The following FAM227B variants were observed in gnomAD, a reference collection of about 807,000 sequenced individuals.
The protein encoded by FAM227B is family with sequence similarity 227 member B, also known as protein FAM227B.
Under a neutral mutation model 73.8 loss-of-function variants are expected in FAM227B, and 88 were observed. The ratio of observed to expected loss-of-function variants is 1.19; its 90% CI spans 1.00 to 1.42. FAM227B has a LOEUF of 1.42. Among genes scored for constraint, FAM227B ranks in the 40% most tolerant of loss-of-function variants. The pLI is 0.00. For synonymous variants in FAM227B, 210 were observed against 190.5 expected (o/e 1.10, Z -0.84); for missense variants, 632 against 590.9 (o/e 1.07, Z -0.72).
Position 49,576,848 on chromosome 15 carries a change from A to T in FAM227B, c.442-3T>A. On this transcript the variant is annotated splice_region_variant and splice_polypyrimidine_tract_variant and intron_variant, in intron 6 of 15. Coordinates refer to ENST00000299338, the MANE Select transcript of FAM227B (RefSeq NM_152647.3). ...TTGAATCCTGTGAAGCTGCAACCCT[A>T]GAAAGAGGAAAATATAACAGGAGAG... is the stretch of plus-strand genomic sequence containing the variant. 2.5e-6 allele frequency: 4 copies of T among 1,583,238 alleles called. No individual in the cohort carries two copies. The highest frequency in any genetic ancestry group is 3.5e-6 in the Non-Finnish European group (4 of 1,154,634).
chr15:49,419,457 C>CTT (rs376193888), intron 11 of FAM227B, among the ~76,000 whole-genome samples: 107 of 152,208 alleles, frequency 7.0e-4, no homozygotes, highest in African/African-American at 2.6e-3. Flanking sequence ...TTTCCAATAT[C>CTT]TTTTTGAAAA....
Position 49,371,080 on chromosome 15 carries a change from TATG to T in FAM227B, c.1110+219_1110+221del, listed in dbSNP as rs569813053. ...TGTTGTGAGGAAAAAAGATAAATAT[TATG>T]ATATTTTTCATTAGAAATGGGGATA... On this transcript the variant is annotated intron_variant, in intron 12 of 15. Transcript: ENST00000299338. 5.9e-5 allele frequency among the ~76,000 whole-genome samples: 9 copies of T among 152,220 alleles called. No homozygotes were observed. In the South Asian group the frequency reaches 1.9e-3, roughly 32 times the overall value.
At chr15:49,551,295 A>G (rs903915516) in intron 9 of FAM227B, among the ~76,000 whole-genome samples, 5 of 151,134 alleles carry the variant, frequency 3.3e-5, no homozygotes, top group Non-Finnish European at 7.4e-5. Context: ...GAGAGGACGC[A>G]TATGTATTTT....
At chr15:49,540,974 A>G (rs1217092707) in intron 10 of FAM227B, among the ~76,000 whole-genome samples, 1 of 152,186 alleles carries the variant, frequency 6.6e-6, no homozygotes, top group African/African-American at 2.4e-5. Flanking sequence ...ATTTTCTTAT[A>G]AAAGTGATTT....
Position 49,335,452 on chromosome 15 carries a change from C to T in FAM227B, c.1316G>A (p.Arg439Lys). 1 of 1,613,522 alleles carries T rather than the reference C, an allele frequency of 6.2e-7. No homozygotes were observed. The highest frequency in any genetic ancestry group is 2.2e-5 in the East Asian group (1 of 44,854). The stretch of plus-strand genomic sequence containing the variant: ...ATCCTTTTGGTTCCTTGCAAATTGT[C>T]TTTTTGCCTCCTTTATAACATCACG... ...TYRDVIKEAK[R>K]QFARNQKDFR... The change falls in exon 14 of 16, where the codon AGA becomes AAA. Residue 439 changes from arginine (R) to lysine (K), a missense_variant. Coordinates refer to ENST00000299338, the MANE Select transcript of FAM227B (RefSeq NM_152647.3).
intron 13 of FAM227B, among the ~76,000 whole-genome samples, chr15:49,351,163 T>G (rs756934429): frequency 8.5e-5 from 13 of 152,206 alleles, no homozygotes; most frequent in Non-Finnish European, 1.5e-4. Context: ...ATTCAGGTAG[T>G]AGAGAAATAA....
chr15:49,531,221 T>A (rs1416029426), intron 10 of FAM227B, among the ~76,000 whole-genome samples: 2 of 151,894 alleles, frequency 1.3e-5, no homozygotes, highest in Non-Finnish European at 2.9e-5. Context: ...TTGATGTGTA[T>A]GTTGATTTCA....
intron 13 of FAM227B, among the ~76,000 whole-genome samples, chr15:49,340,329 G>A (rs1459800589): frequency 6.6e-6 from 1 of 151,994 alleles, no homozygotes; most frequent in African/African-American, 2.4e-5. Flanking sequence ...ACACGGTACA[G>A]TCCCTAATGG....
intron 11 of FAM227B, among the ~76,000 whole-genome samples, chr15:49,476,231 G>GTTTTT (rs1567351795): frequency 1.0e-4 from 3 of 29,100 alleles, no homozygotes; most frequent in Non-Finnish European, 2.3e-4. Context: ...TTTTGTTTTT[G>GTTTTT]GTTTTTTTTT....
intron 11 of FAM227B, among the ~76,000 whole-genome samples, chr15:49,383,827 A>C (rs952355220): frequency 1.3e-5 from 2 of 152,076 alleles, no homozygotes; most frequent in Admixed American, 1.3e-4. Flanking sequence ...AACAAAGAAA[A>C]AGATAATGTG....
chr15:49,342,621 G>T (rs1284089014), intron 13 of FAM227B, among the ~76,000 whole-genome samples: 1 of 152,148 alleles, frequency 6.6e-6, no homozygotes, highest in East Asian at 1.9e-4. Flanking sequence ...TTGGTTTATA[G>T]TATCTGTGGC....
intron 9 of FAM227B, among the ~76,000 whole-genome samples, chr15:49,544,392 A>G (rs536241041): frequency 6.6e-6 from 1 of 152,282 alleles, no homozygotes; most frequent in African/African-American, 2.4e-5. Flanking sequence ...TTTGTCAGAT[A>G]TAGGAGCTTT....
At position 49,609,812 on chromosome 15, in the gene FAM227B, G is replaced by T. The variant is rs1229960932; in HGVS notation, c.105+1403C>A. Among the ~76,000 whole-genome samples the T allele has an allele frequency of 1.3e-5, 2 of 151,798 alleles. 1 individual carries two copies. Among genetic ancestry groups the T allele is most frequent in the South Asian group, 4.2e-4 (2 of 4,816 alleles). On this transcript the variant is annotated intron_variant, in intron 3 of 15. Transcript: ENST00000299338. ...CCATAAAAAATAACTACAGAATATGGGTATTTGGTTGGGAAATTCAGAAAA... is the reference window on the plus strand; with the variant it reads ...CCATAAAAAATAACTACAGAATATGTGTATTTGGTTGGGAAATTCAGAAAA...
At chr15:49,544,266 CT>C (rs1206469547) in intron 9 of FAM227B, among the ~76,000 whole-genome samples, 1 of 152,018 alleles carries the variant, frequency 6.6e-6, no homozygotes, top group East Asian at 1.9e-4. Flanking sequence ...ATATTTGCAG[CT>C]GTTGTAAAAC....
intron 9 of FAM227B, among the ~76,000 whole-genome samples, chr15:49,549,263 T>C (rs184604513): frequency 2.6e-5 from 4 of 152,196 alleles, no homozygotes; most frequent in East Asian, 1.9e-4. Context: ...ATGAGGAGCA[T>C]ATTGTTTAAT....
chr15:49,579,655 G>A (rs1046178975), intron 5 of FAM227B, among the ~76,000 whole-genome samples: 1 of 152,136 alleles, frequency 6.6e-6, no homozygotes, highest in African/African-American at 2.4e-5. Context: ...TTGGGGAATG[G>A]AGGAGATTAA....
At chr15:49,619,815 T>C (rs1415086493) in intron 1 of FAM227B, among the ~76,000 whole-genome samples, 2 of 152,198 alleles carry the variant, frequency 1.3e-5, no homozygotes, top group African/African-American at 4.8e-5. Context: ...CCCAGAAAAT[T>C]CACCTTTCTC....
intron 14 of FAM227B, among the ~76,000 whole-genome samples, chr15:49,333,510 T>TTTAC (rs1329700272): frequency 6.6e-6 from 1 of 152,226 alleles, no homozygotes; most frequent in Non-Finnish European, 1.5e-5. Context: ...TTTGGAAACT[T>TTTAC]GTAAGAGTCA....
At chr15:49,537,209 T>C (rs912804792) in intron 10 of FAM227B, among the ~76,000 whole-genome samples, 1 of 152,066 alleles carries the variant, frequency 6.6e-6, no homozygotes, top group Non-Finnish European at 1.5e-5. Context: ...TTATAAAGAA[T>C]TCATACAACT....
Sources: allele counts gnomAD v4.1 joint callset (sites outside exome capture counted in the v4.1 genomes callset), GRCh38; gene constraint gnomAD v4.1.1; transcripts MANE v1.5; gene names NCBI Gene and HGNC (gene_info 2026-07-23, HGNC 2026-07-21).